CRPPA: variants seen among roughly 807,000 people sequenced by gnomAD.
CRPPA encodes D-ribitol-5-phosphate cytidylyltransferase.
Under a neutral mutation model 52.0 loss-of-function variants are expected in CRPPA, and 43 were observed. That is an observed-to-expected ratio of 0.83 (90% CI 0.65 to 1.07). The LOEUF (loss-of-function observed/expected upper bound fraction) is 1.07. Among genes scored for constraint, CRPPA ranks in the 50% least tolerant of loss-of-function variants. The probability of loss-of-function intolerance (pLI) is 0.00; values close to 1 mark genes in which losing one functional copy is unlikely to be tolerated. For synonymous variants in CRPPA, 250 were observed against 203.5 expected (o/e 1.23, Z -1.94); for missense variants, 629 against 551.7 (o/e 1.14, Z -1.40).
At chr7:16,351,708 A>G (rs1216624162) in intron 3 of CRPPA, among the ~76,000 whole-genome samples, 2 of 152,226 alleles carry the variant, frequency 1.3e-5, no homozygotes, top group Admixed American at 6.5e-5. Flanking sequence ...CAAAACCACA[A>G]TGAGATACCA....
chr7:16,386,281 G>A (rs553893206), intron 2 of CRPPA, among the ~76,000 whole-genome samples: 49 of 152,242 alleles, frequency 3.2e-4, no homozygotes, highest in South Asian at 4.1e-4. Flanking sequence ...CTTCTCTGCC[G>A]TGCTGTTCTG....
At chr7:16,397,713 C>A (rs935688614) in intron 2 of CRPPA, among the ~76,000 whole-genome samples, 2 of 152,176 alleles carry the variant, frequency 1.3e-5, no homozygotes, top group East Asian at 3.9e-4. Flanking sequence ...GATTGACATG[C>A]GACCAACGTT....
At chr7:16,163,279 G>C (rs560946086) in intron 9 of CRPPA, among the ~76,000 whole-genome samples, 5 of 151,858 alleles carry the variant, frequency 3.3e-5, no homozygotes, top group African/African-American at 1.2e-4. Context: ...TGGGCCGCTT[G>C]TCTTTTTTGA....
At chr7:16,225,639 T>C (rs1782628296) in intron 8 of CRPPA, among the ~76,000 whole-genome samples, 1 of 151,924 alleles carries the variant, frequency 6.6e-6, no homozygotes, top group African/African-American at 2.4e-5. Context: ...CAAAATTTCA[T>C]TTTACATTAT....
chr7:16,172,147 T>C (rs1425560594), intron 9 of CRPPA, among the ~76,000 whole-genome samples: 1 of 152,178 alleles, frequency 6.6e-6, no homozygotes, highest in Non-Finnish European at 1.5e-5. Flanking sequence ...AGAAATTCTT[T>C]CCCGATTACT....
At chr7:16,356,246 T>C (rs1562650988) in intron 3 of CRPPA, among the ~76,000 whole-genome samples, 1 of 152,218 alleles carries the variant, frequency 6.6e-6, no homozygotes. Flanking sequence ...CTCTACATAC[T>C]TCCTTCTCAA....
chr7:16,089,382 GTA>G lies in CRPPA; in HGVS notation c.*2311_*2312del. 2 of 279,778 alleles carry G rather than the reference GTA, an allele frequency of 7.1e-6. No individual in the cohort carries two copies. The highest frequency in any genetic ancestry group is 1.7e-4 in the East Asian group (2 of 11,642). The allele number at this position is 279,778 out of a possible 1,614,324, so 17.3% of individuals were successfully genotyped here. A position where few individuals can be genotyped will look rare whatever the true frequency, so the allele number is the denominator to read the frequency against. On this transcript the variant is annotated 3_prime_UTR_variant, in exon 10 of 10. Transcript: ENST00000407010. ...TACATACATGCATGTACATATATAC[GTA>G]TATATGTATGTACATAATGTGTATA...
intron 2 of CRPPA, among the ~76,000 whole-genome samples, chr7:16,377,474 A>G (rs1786924680): frequency 6.6e-6 from 1 of 152,226 alleles, no homozygotes; most frequent in Non-Finnish European, 1.5e-5. Flanking sequence ...TGAAGTTAAA[A>G]AATACTTAAG....
In CRPPA at chr7:16,351,044, G is replaced by T. The variant is rs372444507; in HGVS notation, c.684+25048C>A. Among the ~76,000 whole-genome samples, 16 of 152,138 alleles carry T rather than the reference G, an allele frequency of 1.1e-4. No individual in the cohort carries two copies. The South Asian group carries it at 3.1e-3, about 30-fold the overall frequency. ...ATAAAGGGGACAATTCATCAAAAAG[G>T]ATATAACAATTTTAAATATATAGGC... On this transcript the variant is annotated intron_variant, in intron 3 of 9. Transcript: ENST00000407010.
At chr7:16,164,055 C>T (rs1477487221) in intron 9 of CRPPA, among the ~76,000 whole-genome samples, 3 of 152,122 alleles carry the variant, frequency 2.0e-5, no homozygotes, top group African/African-American at 4.8e-5. Context: ...ATGTTGGCCT[C>T]TCATGTTAGG....
chr7:16,396,505 T>C (rs537140044), intron 2 of CRPPA, among the ~76,000 whole-genome samples: 32 of 152,316 alleles, frequency 2.1e-4, no homozygotes, highest in African/African-American at 7.5e-4. Context: ...CAGAAAACAG[T>C]GTGGTGACAA....
chr7:16,327,339 T>C (rs915880661), intron 3 of CRPPA, among the ~76,000 whole-genome samples: 1 of 151,968 alleles, frequency 6.6e-6, no homozygotes, highest in African/African-American at 2.4e-5. Context: ...ACGCCTGTAA[T>C]CCCAGCACTT....
intron 2 of CRPPA, 138 bp from the exon 3 acceptor site, chr7:16,376,379 GA>G (rs1272710617): frequency 1.2e-6 from 1 of 827,168 alleles, no homozygotes; most frequent in African/African-American, 1.8e-5. Flanking sequence ...GAGTAAGTGT[GA>G]TTGGTTCAAA....
chr7:16,354,770 A>G (rs1475616214), intron 3 of CRPPA, among the ~76,000 whole-genome samples: 1 of 152,188 alleles, frequency 6.6e-6, no homozygotes, highest in Non-Finnish European at 1.5e-5. Context: ...AGGTTTCCTG[A>G]ACCTCCTCAC....
At chr7:16,412,914 T>C (rs759051270) in intron 1 of CRPPA, among the ~76,000 whole-genome samples, 8 of 152,180 alleles carry the variant, frequency 5.3e-5, no homozygotes, top group Non-Finnish European at 1.2e-4. Flanking sequence ...CAAATATTGC[T>C]TACAGGAATA....
intron 8 of CRPPA, among the ~76,000 whole-genome samples, chr7:16,224,416 T>A (rs576408046): frequency 6.6e-6 from 1 of 152,124 alleles, no homozygotes; most frequent in Non-Finnish European, 1.5e-5. Flanking sequence ...ATAAAAGGCA[T>A]GCGAAGGGAG....
At chr7:16,378,065 T>G (rs1786946545) in intron 2 of CRPPA, among the ~76,000 whole-genome samples, 1 of 152,178 alleles carries the variant, frequency 6.6e-6, no homozygotes. Flanking sequence ...ACCCACAGTT[T>G]TAAAGCAGTG....
Position 16,286,097 on chromosome 7 carries a change from A to AAAAAAATATATAT in CRPPA, c.836-7872_836-7871insATATATATTTTTT. ...TATATATATAATATTTAAAAAAAAA[A>AAAAAAATATATAT]ATATATATATATATATATATGCCAA... On this transcript the variant is annotated intron_variant, in intron 5 of 9. Transcript: ENST00000407010. Among the ~76,000 whole-genome samples the AAAAAAATATATAT allele has an allele frequency of 6.3e-3, 246 of 39,086 alleles. 19 individuals are homozygous for AAAAAAATATATAT. The highest frequency in any genetic ancestry group is 8.1e-3 in the Non-Finnish European group (200 of 24,618). 25.6% of individuals were successfully genotyped at this position (39,086 alleles called of 152,430 possible).
chr7:16,309,343 C>T (rs1019775274), intron 3 of CRPPA, among the ~76,000 whole-genome samples: 2 of 151,894 alleles, frequency 1.3e-5, no homozygotes, highest in African/African-American at 4.8e-5. Context: ...TGTATTATGC[C>T]CTCAAGGAAC....
Sources: allele counts gnomAD v4.1 joint callset (sites outside exome capture counted in the v4.1 genomes callset), GRCh38; gene constraint gnomAD v4.1.1; transcripts MANE v1.5; gene names NCBI Gene and HGNC (gene_info 2026-07-23, HGNC 2026-07-21).